The following ASCC3 variants were observed in gnomAD, a reference collection of about 807,000 sequenced individuals.
The protein encoded by ASCC3 is activating signal cointegrator 1 complex subunit 3, also known as ASC-1 complex subunit P200.
Under a neutral mutation model 256.3 loss-of-function variants are expected in ASCC3, and 158 were observed. The ratio of observed to expected loss-of-function variants is 0.62; its 90% CI spans 0.54 to 0.70. The LOEUF (loss-of-function observed/expected upper bound fraction) is 0.70. Among genes scored for constraint, ASCC3 ranks in the 30% least tolerant of loss-of-function variants. The probability of loss-of-function intolerance (pLI) is 0.00; values close to 1 mark genes in which losing one functional copy is unlikely to be tolerated. For missense variants in ASCC3, 2,259 were observed against 2,626.0 expected (o/e 0.86, Z 3.05); for synonymous variants, 948 against 883.4 (o/e 1.07, Z -1.30).
At chr6:100,563,912 C>T (rs1200002513) in intron 36 of ASCC3, among the ~76,000 whole-genome samples, 1 of 151,868 alleles carries the variant, frequency 6.6e-6, no homozygotes, top group Non-Finnish European at 1.5e-5. Flanking sequence ...AGGCTTTATA[C>T]ATATTATTTT....
intron 39 of ASCC3, among the ~76,000 whole-genome samples, chr6:100,514,084 C>G (rs1284872504): frequency 1.3e-5 from 2 of 151,932 alleles, no homozygotes; most frequent in Non-Finnish European, 2.9e-5. Flanking sequence ...CCTGATGAAC[C>G]AAACTACCCC....
intron 3 of ASCC3, chr6:100,856,807 A>G (rs1192817109): frequency 1.3e-5 from 2 of 152,200 alleles, no homozygotes; most frequent in Non-Finnish European, 2.9e-5. Context: ...CGTTACTGCT[A>G]TAAGGCAGTC....
chr6:100,693,327 G>A (rs1487493772), intron 13 of ASCC3, among the ~76,000 whole-genome samples: 1 of 151,756 alleles, frequency 6.6e-6, no homozygotes, highest in East Asian at 1.9e-4. Context: ...CATATGCAAG[G>A]AGTCCACAAT....
At chr6:100,511,839 C>T (rs1773778877) in intron 40 of ASCC3, among the ~76,000 whole-genome samples, 1 of 152,016 alleles carries the variant, frequency 6.6e-6, no homozygotes, top group Admixed American at 6.6e-5. Flanking sequence ...ACTGAAAGAA[C>T]ATCTTAAGAA....
At chr6:100,658,430 A>G (rs576326702) in intron 16 of ASCC3, among the ~76,000 whole-genome samples, 42 of 151,604 alleles carry the variant, frequency 2.8e-4, no homozygotes, top group Middle Eastern at 3.4e-3. Context: ...TACTCTAATC[A>G]TCATGAGTAT....
intron 36 of ASCC3, among the ~76,000 whole-genome samples, chr6:100,585,752 GT>G (rs1319838209): frequency 2.0e-5 from 3 of 152,128 alleles, no homozygotes; most frequent in African/African-American, 4.8e-5. Flanking sequence ...GTACAGATAG[GT>G]TTTTGGTATG....
intron 30 of ASCC3, among the ~76,000 whole-genome samples, chr6:100,608,143 TATC>T (rs1773064837): frequency 2.4e-5 from 3 of 127,318 alleles, no homozygotes; most frequent in African/African-American, 5.9e-5. Context: ...TATGTATATA[TATC>T]TATATATACA....
At chr6:100,547,905 A>G (rs1769067419) in intron 36 of ASCC3, among the ~76,000 whole-genome samples, 1 of 152,020 alleles carries the variant, frequency 6.6e-6, no homozygotes, top group African/African-American at 2.4e-5. Context: ...TTAAATGTCC[A>G]TCAACAGGTG....
intron 13 of ASCC3, chr6:100,715,191 G>A: frequency 3.6e-6 from 1 of 278,984 alleles, no homozygotes; most frequent in Non-Finnish European, 6.7e-6. Context: ...AATTGATATT[G>A]CTTCATGAAA....
chr6:100,510,128 TACA>T (rs745560660), intron 40 of ASCC3, 21 bp from the exon 41 acceptor site: 3 of 1,613,838 alleles, frequency 1.9e-6, no homozygotes, highest in South Asian at 2.2e-5. Flanking sequence ...GAAAAAAAGA[TACA>T]ACATTAAAAA....
intron 30 of ASCC3, among the ~76,000 whole-genome samples, chr6:100,619,913 G>A (rs1031880078): frequency 3.3e-5 from 5 of 152,116 alleles, no homozygotes; most frequent in Non-Finnish European, 5.9e-5. Flanking sequence ...GCTAAATGGA[G>A]TTGACGAAAT....
intron 4 of ASCC3, among the ~76,000 whole-genome samples, chr6:100,822,530 C>A: frequency 8.6e-6 from 1 of 115,608 alleles, no homozygotes. Context: ...AGCAAGACTC[C>A]GTCTCCAAAA....
At chr6:100,704,625 GA>G (rs1355656306) in intron 13 of ASCC3, among the ~76,000 whole-genome samples, 4 of 151,842 alleles carry the variant, frequency 2.6e-5, no homozygotes, top group Non-Finnish European at 5.9e-5. Context: ...TTTTAAAGGT[GA>G]TTTCTTAGAA....
At chr6:100,546,744 A>G (rs1455271667) in intron 36 of ASCC3, among the ~76,000 whole-genome samples, 1 of 152,150 alleles carries the variant, frequency 6.6e-6, no homozygotes, top group Non-Finnish European at 1.5e-5. Context: ...TCACTGAAAC[A>G]TTTTGATTTG....
At chr6:100,643,972 T>C (rs1415315153) in intron 23 of ASCC3, 59 bp downstream of exon 23, 5 of 1,125,120 alleles carry the variant, frequency 4.4e-6, no homozygotes, top group Non-Finnish European at 6.6e-6. Context: ...AAGCAGAAAC[T>C]GTTAGTATAA....
intron 4 of ASCC3, among the ~76,000 whole-genome samples, chr6:100,836,485 T>G (rs1057369766): frequency 6.6e-6 from 1 of 152,158 alleles, no homozygotes; most frequent in Non-Finnish European, 1.5e-5. Flanking sequence ...TTTTTCTGCA[T>G]CTACTGAAAT....
At chr6:100,530,032 C>G (rs996156462) in intron 37 of ASCC3, among the ~76,000 whole-genome samples, 2 of 151,164 alleles carry the variant, frequency 1.3e-5, no homozygotes, top group Non-Finnish European at 2.9e-5. Context: ...GAATGGTGTG[C>G]AGTTCTCCAA....
chr6:100,818,598 C>T (rs1398932370), intron 4 of ASCC3, among the ~76,000 whole-genome samples: 1 of 146,984 alleles, frequency 6.8e-6, no homozygotes, highest in Non-Finnish European at 1.5e-5. Flanking sequence ...GAAGAAAAAT[C>T]TGCAGCTAAC....
chr6:100,873,729 T>A (rs575128939), intron 1 of ASCC3, among the ~76,000 whole-genome samples: 1 of 152,300 alleles, frequency 6.6e-6, no homozygotes, highest in African/African-American at 2.4e-5. Context: ...ATCTTCAGCC[T>A]CCTTAAACAA....
Sources: gnomAD v4.1 joint callset for allele counts (sites outside exome capture counted in the v4.1 genomes callset) on GRCh38, gnomAD v4.1.1 for gene constraint, MANE v1.5 for transcripts, NCBI Gene and HGNC (gene_info 2026-07-23, HGNC 2026-07-21) for gene names.